BDP1: variants seen among roughly 807,000 people sequenced by gnomAD.
BDP1 encodes transcription factor TFIIIB component B'' homolog.
BDP1 carries 169 observed loss-of-function variants against 266.6 expected under a neutral mutation model. The observed-to-expected ratio is 0.63, with a 90% CI of 0.56 to 0.72. The LOEUF (loss-of-function observed/expected upper bound fraction) is 0.72. Among genes scored for constraint, BDP1 ranks in the 30% least tolerant of loss-of-function variants. BDP1 has a pLI of 0.00. For missense variants in BDP1, 3,015 were observed against 3,053.8 expected (o/e 0.99, Z 0.30); for synonymous variants, 1,090 against 1,022.4 (o/e 1.07, Z -1.26).
In BDP1 at chr5:71,513,274, C is replaced by T. The variant is rs201688883; in HGVS notation, c.4337C>T (p.Ala1446Val). ...SRFKRPKPNL[A>V]RAALKRETTE... ...TTCAAAAGACCAAAACCAAACTTAGCAAGAGCAGCTTTGAAGAGAGAGACT... is the reference window on the plus strand; with the variant it reads ...TTCAAAAGACCAAAACCAAACTTAGTAAGAGCAGCTTTGAAGAGAGAGACT... The change falls in exon 19 of 39, where the codon GCA becomes GTA. Residue 1446 changes from alanine to valine, a missense_variant. Transcript: ENST00000358731. 5 of 1,613,292 alleles carry T rather than the reference C, an allele frequency of 3.1e-6. No individual in the cohort carries two copies. Among genetic ancestry groups the T allele is most frequent in the Non-Finnish European group, 4.2e-6 (5 of 1,179,792 alleles).
intron 11 of BDP1, 51 bp from the exon 12 acceptor site, chr5:71,495,199 A>G (rs771113055): frequency 7.0e-6 from 8 of 1,147,566 alleles, no homozygotes; most frequent in Non-Finnish European, 9.5e-6. Flanking sequence ...TAATTATAAA[A>G]TATATATCAT....
chr5:71,537,299 C>T (rs949402171), intron 26 of BDP1, among the ~76,000 whole-genome samples: 1 of 152,074 alleles, frequency 6.6e-6, no homozygotes, highest in Non-Finnish European at 1.5e-5. Context: ...CAGTCAAAGC[C>T]TCCCATAATT....
At chr5:71,491,514 G>T (rs1033470766) in intron 11 of BDP1, among the ~76,000 whole-genome samples, 1 of 151,664 alleles carries the variant, frequency 6.6e-6, no homozygotes. Context: ...ATTTTATTTT[G>T]TAATATAAAA....
intron 25 of BDP1, among the ~76,000 whole-genome samples, chr5:71,525,263 G>T (rs1216146027): frequency 5.4e-5 from 8 of 149,240 alleles, no homozygotes. Flanking sequence ...CAGGCGGGGG[G>T]CTGACCCCCC....
Position 71,501,673 on chromosome 5 carries a change from T to TA in BDP1, c.2048+40dup, listed in dbSNP as rs11441119. 124,853 of 537,084 alleles carry TA rather than the reference T, an allele frequency of 0.23. 11,164 individuals are homozygous for TA. The highest frequency in any genetic ancestry group is 0.31 in the African/African-American group (13,532 of 42,984). The allele number at this position is 537,084 out of a possible 1,614,324, so 33.3% of individuals were successfully genotyped here. A position where few individuals can be genotyped will look rare whatever the true frequency, so the allele number is the denominator to read the frequency against. The stretch of plus-strand genomic sequence containing the variant: ...ATCTGTGTGAGTATTCAGGAAGTAG[T>TA]AAAAAAAAAAAAAAAAAAAAGTAAC... On this transcript the variant is annotated intron_variant, in intron 14 of 38. Transcript: ENST00000358731.
chr5:71,459,746 C>G (rs1761426765), intron 2 of BDP1, among the ~76,000 whole-genome samples: 1 of 152,086 alleles, frequency 6.6e-6, no homozygotes, highest in African/African-American at 2.4e-5. Flanking sequence ...AGCTTTGTGA[C>G]CTTGGGTAAT....
At chr5:71,548,966 ACTT>A (rs780386019) in intron 33 of BDP1, among the ~76,000 whole-genome samples, 25 of 152,180 alleles carry the variant, frequency 1.6e-4, no homozygotes, top group Non-Finnish European at 3.2e-4. Context: ...TTATGAAATT[ACTT>A]CTTGGGCCAG....
At position 71,559,965 on chromosome 5, in the gene BDP1, T is replaced by G. The variant is rs1482650748; in HGVS notation, c.7241-17T>G. On this transcript the variant is annotated splice_polypyrimidine_tract_variant and intron_variant, in intron 36 of 38. Transcript: ENST00000358731. ...AACTTCAGTATCCTTGCTTTCCATT[T>G]GCTCTTTTTTTTGAAGGGGAGTCTC... 2 of 1,611,064 alleles carry G rather than the reference T, an allele frequency of 1.2e-6. No homozygotes were observed. The highest frequency in any genetic ancestry group is 2.2e-5 in the South Asian group (2 of 90,634).
intron 14 of BDP1, 82 bp downstream of exon 14, chr5:71,501,735 A>C: frequency 1.2e-6 from 1 of 849,476 alleles, no homozygotes; most frequent in South Asian, 1.6e-5. Flanking sequence ...TTTCTACTTA[A>C]TAAGGTCTGA....
intron 24 of BDP1, among the ~76,000 whole-genome samples, 155 bp downstream of exon 24, chr5:71,523,104 A>T (rs1042448211): frequency 6.6e-6 from 1 of 152,192 alleles, no homozygotes; most frequent in African/African-American, 2.4e-5. Context: ...TTAGCTAAGT[A>T]ATTAAGGTGC....
At chr5:71,513,717 T>C (rs1410520374) in intron 19 of BDP1, among the ~76,000 whole-genome samples, 1 of 151,806 alleles carries the variant, frequency 6.6e-6, no homozygotes, top group Non-Finnish European at 1.5e-5. Flanking sequence ...TAGTTTTTTA[T>C]TTTTTTTATT....
intron 19 of BDP1, 55 bp from the exon 20 acceptor site, chr5:71,514,889 C>T: frequency 7.8e-7 from 1 of 1,276,870 alleles, no homozygotes; most frequent in East Asian, 2.5e-5. Context: ...TTGTAAAGTT[C>T]TTATTTCCTT....
chr5:71,534,829 C>T (rs1003739678), intron 26 of BDP1, among the ~76,000 whole-genome samples: 2 of 152,094 alleles, frequency 1.3e-5, no homozygotes, highest in East Asian at 1.9e-4. Flanking sequence ...TTCGTAGACA[C>T]GGGGTTTCTC....
intron 25 of BDP1, among the ~76,000 whole-genome samples, chr5:71,531,253 A>G (rs1766228801): frequency 6.6e-6 from 1 of 152,166 alleles, no homozygotes; most frequent in African/African-American, 2.4e-5. Flanking sequence ...ACCCTGCCTC[A>G]GAATAACAAA....
At position 71,467,433 on chromosome 5, in the gene BDP1, A is replaced by G. The variant is rs779227130; in HGVS notation, c.865A>G (p.Thr289Ala). ...NDPIFERGST[T>A]TYSSFRKNYY... ...CCCCATATTTGAGCGCGGTTCTACA[A>G]CTACATACTCCAGCTTTAGGAAAAA... Residue 289 changes from threonine (T) to alanine (A), a missense_variant, in exon 6 of 39, where the codon ACT becomes GCT. Thr to Ala is a moderately conservative substitution (Grantham distance 58). Around this residue, in one of 3 missense-constraint regions of BDP1, gnomAD observed 2,383 missense variants for 2,404.9 expected, o/e 0.99. Transcript: ENST00000358731. The G allele has an allele frequency of 1.1e-5, 18 of 1,610,690 alleles. No homozygotes were observed. Among genetic ancestry groups the G allele is most frequent in the East Asian group, 6.7e-5 (3 of 44,824 alleles).
chr5:71,542,642 C>A (rs555277971), intron 30 of BDP1, among the ~76,000 whole-genome samples: 1 of 151,968 alleles, frequency 6.6e-6, no homozygotes, highest in African/African-American at 2.4e-5. Flanking sequence ...GAGGCTTGAG[C>A]CCAAGAGTTC....
chr5:71,463,974 A>C lies in BDP1; in HGVS notation c.600-84A>C, dbSNP rs192387057. ...TATATCATTAAAAATTAGAAGTTAG[A>C]ATAATTTTCTTCTTGCCTACAGATA... On this transcript the variant is annotated intron_variant, in intron 3 of 38. Coordinates refer to ENST00000358731, the MANE Select transcript of BDP1 (RefSeq NM_018429.3). The C allele has an allele frequency of 1.0e-4, 80 of 779,794 alleles. 1 individual carries two copies. The East Asian group carries it at 1.6e-3, about 15-fold the overall frequency. 48.3% of individuals were successfully genotyped at this position (779,794 alleles called of 1,614,324 possible). A position where few individuals can be genotyped will look rare whatever the true frequency, so the allele number is the denominator to read the frequency against.
Position 71,555,659 on chromosome 5 carries a change from G to A in BDP1, c.7201-1227G>A, listed in dbSNP as rs796487969. On this transcript the variant is annotated intron_variant, in intron 35 of 38. Coordinates refer to ENST00000358731, the MANE Select transcript of BDP1 (RefSeq NM_018429.3). ...TCTCCATGTTGGTTAGGCTGGTCTC[G>A]AACTCCGGACCTCAGATGATCCGCC... Among the ~76,000 whole-genome samples, 15 of 152,044 alleles carry A rather than the reference G, an allele frequency of 9.9e-5. 1 individual carries two copies. The highest frequency in any genetic ancestry group is 2.2e-4 in the African/African-American group (9 of 41,484).
At position 71,553,125 on chromosome 5, in the gene BDP1, A is replaced by C; in HGVS notation, c.7005A>C (p.Leu2335Phe). Residue 2335 changes from leucine (L) to phenylalanine (F), a missense_variant, in exon 35 of 39, where the codon TTA becomes TTC. Around this residue, in one of 3 missense-constraint regions of BDP1, gnomAD observed 629 missense variants for 632.5 expected, o/e 0.99. Coordinates refer to ENST00000358731, the MANE Select transcript of BDP1 (RefSeq NM_018429.3). ...TEERGDMSIC[L>F]PATSVGQDAM... Reference sequence around the variant, plus strand: ...TTTCTTTTCTATGCAGTATTTGTTTACCAGCAACTTCAGTTGGTCAAGATG... The same window carrying C: ...TTTCTTTTCTATGCAGTATTTGTTTCCCAGCAACTTCAGTTGGTCAAGATG... The C allele has an allele frequency of 6.2e-7, 1 of 1,611,006 alleles. No homozygotes were observed. The highest frequency in any genetic ancestry group is 8.5e-7 in the Non-Finnish European group (1 of 1,179,302).
Sources: gnomAD v4.1 joint callset for allele counts (sites outside exome capture counted in the v4.1 genomes callset) on GRCh38, gnomAD v4.1.1 for gene constraint, gnomAD v4.1.1 regional missense constraint, MANE v1.5 for transcripts, NCBI Gene and HGNC (gene_info 2026-07-23, HGNC 2026-07-21) for gene names.